Variants in ZEB1 observed in about 807,000 individuals in gnomAD.
ZEB1 encodes zinc finger E-box-binding homeobox 1.
ZEB1 carries 21 observed loss-of-function variants against 84.9 expected under a neutral mutation model. That is an observed-to-expected ratio of 0.25 (90% confidence interval 0.18 to 0.36). The LOEUF is 0.36. Among genes scored for constraint, ZEB1 ranks in the 10% least tolerant of loss-of-function variants. The pLI, the probability that ZEB1 is intolerant of heterozygous loss-of-function variation, is 1.00. For missense variants in ZEB1, 1,104 were observed against 1,330.2 expected, an observed-to-expected ratio of 0.83 and a Z score of 2.65; for synonymous variants, 420 against 471.1, an observed-to-expected ratio of 0.89 and a Z score of 1.41.
chr10:31,407,102 A>G (rs1048175952), intron 1 of ZEB1, among the ~76,000 whole-genome samples: 1 of 150,738 alleles, frequency 6.6e-6, no homozygotes, highest in East Asian at 1.9e-4. Context: ...TTATTTATTT[A>G]TTATTATTAT....
intron 5 of ZEB1, among the ~76,000 whole-genome samples, chr10:31,513,021 G>A (rs981319592): frequency 6.6e-6 from 1 of 152,120 alleles, no homozygotes; most frequent in Non-Finnish European, 1.5e-5. Flanking sequence ...TAAAGACGTT[G>A]GATTGTATTC....
chr10:31,491,482 T>C (rs2066513052), intron 2 of ZEB1, among the ~76,000 whole-genome samples: 1 of 151,844 alleles, frequency 6.6e-6, no homozygotes, highest in Non-Finnish European at 1.5e-5. Flanking sequence ...ATAAGGATTC[T>C]CCTAGAGCCT....
chr10:31,319,035 C>T (rs958419795), upstream of ZEB1: 29 of 630,540 alleles, frequency 4.6e-5, no homozygotes, highest in Middle Eastern at 1.7e-3. Context: ...ACGGTTGCCG[C>T]AAACCGCCCG....
At chr10:31,418,019 G>A (rs1266315303) in intron 1 of ZEB1, among the ~76,000 whole-genome samples, 1 of 151,956 alleles carries the variant, frequency 6.6e-6, no homozygotes, top group East Asian at 1.9e-4. Flanking sequence ...TTTTTTAGTA[G>A]AAGCAGCCTC....
intron 2 of ZEB1, among the ~76,000 whole-genome samples, chr10:31,472,561 A>C (rs371592206): frequency 1.4e-5 from 2 of 142,634 alleles, no homozygotes; most frequent in Admixed American, 1.4e-4. Context: ...TTGTGGCAAT[A>C]ATCAATAGTT....
At chr10:31,431,663 G>C (rs1038723019) in intron 1 of ZEB1, among the ~76,000 whole-genome samples, 3 of 151,964 alleles carry the variant, frequency 2.0e-5, no homozygotes, top group Non-Finnish European at 4.4e-5. Flanking sequence ...TCTGAACCTA[G>C]GTGCTACTAA....
chr10:31,524,249 C>A, intron 8 of ZEB1, 136 bp downstream of exon 8: 2 of 966,046 alleles, frequency 2.1e-6, no homozygotes, highest in Non-Finnish European at 3.0e-6. Context: ...TGGCTCTAGT[C>A]ACCCAGGCTG....
At chr10:31,481,043 C>G (rs2064981768) in intron 2 of ZEB1, among the ~76,000 whole-genome samples, 1 of 151,998 alleles carries the variant, frequency 6.6e-6, no homozygotes, top group Non-Finnish European at 1.5e-5. Context: ...TACCCTGTTT[C>G]CATTCTCCTT....
intron 1 of ZEB1, among the ~76,000 whole-genome samples, chr10:31,420,847 A>T (rs890973435): frequency 1.3e-5 from 2 of 152,086 alleles, no homozygotes; most frequent in Admixed American, 1.3e-4. Context: ...CAGTCTCATT[A>T]TATCTTTGAT....
chr10:31,423,887 A>T (rs2056564114), intron 1 of ZEB1, among the ~76,000 whole-genome samples: 1 of 151,496 alleles, frequency 6.6e-6, no homozygotes, highest in African/African-American at 2.4e-5. Context: ...TAATCATTTA[A>T]GATGCTGTCA....
intron 1 of ZEB1, among the ~76,000 whole-genome samples, chr10:31,429,190 A>G (rs1438826247): frequency 1.3e-5 from 2 of 152,194 alleles, no homozygotes; most frequent in Non-Finnish European, 2.9e-5. Context: ...ATGGTTTTGT[A>G]GGATCTGGTA....
chr10:31,429,766 G>T (rs1161529422), intron 1 of ZEB1, among the ~76,000 whole-genome samples: 1 of 94,660 alleles, frequency 1.1e-5, no homozygotes, highest in African/African-American at 5.3e-5. Flanking sequence ...TTTTTGAGAC[G>T]AAGTCTCACT....
At chr10:31,458,834 A>G (rs1045388100) in intron 1 of ZEB1, among the ~76,000 whole-genome samples, 3 of 152,162 alleles carry the variant, frequency 2.0e-5, no homozygotes, top group African/African-American at 7.2e-5. Context: ...GTATATCTGT[A>G]TGATAGAATG....
chr10:31,466,611 T>A (rs1564981196), intron 2 of ZEB1, among the ~76,000 whole-genome samples: 1 of 152,132 alleles, frequency 6.6e-6, no homozygotes, highest in Non-Finnish European at 1.5e-5. Context: ...GCAAAAGCAG[T>A]TCTAAAAGAG....
At chr10:31,522,549 T>C (rs1277724625) in intron 7 of ZEB1, among the ~76,000 whole-genome samples, 1 of 152,184 alleles carries the variant, frequency 6.6e-6, no homozygotes, top group Non-Finnish European at 1.5e-5. Flanking sequence ...TTTTCCTCCT[T>C]AACTATCACA....
intron 1 of ZEB1, among the ~76,000 whole-genome samples, chr10:31,378,972 A>C (rs1295656622): frequency 1.3e-5 from 2 of 152,086 alleles, no homozygotes; most frequent in Admixed American, 6.6e-5. Context: ...TAAATCTCTC[A>C]AATATTTCTG....
At chr10:31,434,522 G>A (rs1397674744) in intron 1 of ZEB1, among the ~76,000 whole-genome samples, 1 of 152,078 alleles carries the variant, frequency 6.6e-6, no homozygotes, top group African/African-American at 2.4e-5. Context: ...CACATTATCA[G>A]AATACTCTGA....
At chr10:31,399,666 GGTAAA>G (rs1173646243) in intron 1 of ZEB1, among the ~76,000 whole-genome samples, 4 of 152,024 alleles carry the variant, frequency 2.6e-5, no homozygotes, top group Admixed American at 1.3e-4. Context: ...TAATATAGCA[GGTAAA>G]GTAGTTATAT....
intron 2 of ZEB1, among the ~76,000 whole-genome samples, chr10:31,484,809 A>C (rs2065503355): frequency 6.6e-6 from 1 of 152,020 alleles, no homozygotes; most frequent in Admixed American, 6.6e-5. Context: ...ACTCATTATC[A>C]CTATTGTATA....
Sources: allele counts gnomAD v4.1 joint callset (sites outside exome capture counted in the v4.1 genomes callset), GRCh38; gene constraint gnomAD v4.1.1; transcripts MANE v1.5; gene names NCBI Gene and HGNC (gene_info 2026-07-23, HGNC 2026-07-21).